ARID1B: variants seen among roughly 807,000 people sequenced by gnomAD.
ARID1B encodes the protein AT-rich interactive domain-containing protein 1B.
In ARID1B, 30 loss-of-function variants were observed where a neutral mutation model predicts 212.3. The observed-to-expected ratio is 0.14, with a 90% CI of 0.11 to 0.19. The LOEUF is 0.19. Ranked by LOEUF, ARID1B falls within the 10% of genes least tolerant of loss-of-function variation. The pLI is 1.00. For synonymous variants in ARID1B, 1,402 were observed against 1,301.7 expected (o/e 1.08, Z -1.66); for missense variants, 2,891 against 3,204.0 (o/e 0.90, Z 2.36).
rs115069568 is a variant in ARID1B at position 156,981,324 on chromosome 6, C to T, written c.2247+45748C>T. On this transcript the variant is annotated intron_variant, in intron 4 of 19. Transcript: ENST00000636930. ...AATGGAGAGTCTCTGCCGTTCTTCACATCGAGTATATAGAATTAAGCATTC... is the reference window on the plus strand; with the variant it reads ...AATGGAGAGTCTCTGCCGTTCTTCATATCGAGTATATAGAATTAAGCATTC... 9.0e-3 allele frequency among the ~76,000 whole-genome samples: 1,365 copies of T among 152,296 alleles called. 24 individuals are homozygous for T. Among genetic ancestry groups the T allele is most frequent in the African/African-American group, 0.031 (1,307 of 41,552 alleles).
At chr6:156,980,060 A>G (rs1037761719) in intron 4 of ARID1B, among the ~76,000 whole-genome samples, 1 of 152,136 alleles carries the variant, frequency 6.6e-6, no homozygotes, top group South Asian at 2.1e-4. Flanking sequence ...TTTGCCACCT[A>G]AGTTAAAAGA....
In ARID1B at chr6:157,067,975, A is replaced by G. The variant is rs576848279; in HGVS notation, c.2248-16687A>G. On this transcript the variant is annotated intron_variant, in intron 4 of 19. Coordinates refer to ENST00000636930, the MANE Select transcript of ARID1B (RefSeq NM_001374828.1). ...CTAAAACAATCGTAGGTACTTCAGA[A>G]CTCCTAACTTTATAAAATAAACTAT... 4.6e-5 allele frequency among the ~76,000 whole-genome samples: 7 copies of G among 152,216 alleles called. No individual in the cohort carries two copies. In the South Asian group the frequency reaches 1.5e-3, roughly 32 times the overall value.
chr6:156,835,735 A>G (rs140373735), intron 2 of ARID1B, among the ~76,000 whole-genome samples: 5 of 152,184 alleles, frequency 3.3e-5, no homozygotes, highest in Middle Eastern at 3.4e-3. Flanking sequence ...TAAATCTTAA[A>G]TGTATGTTTT....
intron 11 of ARID1B, among the ~76,000 whole-genome samples, chr6:157,179,003 T>C (rs1792316071): frequency 6.6e-6 from 1 of 152,218 alleles, no homozygotes; most frequent in Admixed American, 6.5e-5. Context: ...TTTATTTGTC[T>C]TATCTTTAAA....
At chr6:156,934,915 TATATATATATATATATATATATATA>T (rs1792048113) in intron 3 of ARID1B, among the ~76,000 whole-genome samples, 39 of 39,012 alleles carry the variant, frequency 1.0e-3, no homozygotes, top group African/African-American at 4.0e-3. Context: ...TTGTTAATTA[TATATATATATATATATATATATATA>T]TATATATATA....
chr6:157,195,220 C>T (rs1181705964), intron 15 of ARID1B: 1 of 152,138 alleles, frequency 6.6e-6, no homozygotes, highest in African/African-American at 2.4e-5. Context: ...GCTCAGGGTC[C>T]CACAGGCTAA....
chr6:157,142,625 C>T (rs1562297620), intron 7 of ARID1B, among the ~76,000 whole-genome samples: 1 of 151,754 alleles, frequency 6.6e-6, no homozygotes, highest in Non-Finnish European at 1.5e-5. Context: ...GACTCTGTCT[C>T]AAAAACAACA....
At chr6:157,071,818 T>C (rs1280367795) in intron 4 of ARID1B, 2 of 152,252 alleles carry the variant, frequency 1.3e-5, no homozygotes, top group Non-Finnish European at 2.9e-5. Flanking sequence ...AATTTATTTG[T>C]TCGTCTTTTG....
At chr6:157,166,054 T>G (rs1791301669) in intron 8 of ARID1B, 1 of 152,168 alleles carries the variant, frequency 6.6e-6, no homozygotes, top group Non-Finnish European at 1.5e-5. Context: ...GCCAAAACTT[T>G]GAAAAATTTT....
At chr6:156,912,189 A>G (rs1016438385) in intron 3 of ARID1B, among the ~76,000 whole-genome samples, 3 of 151,732 alleles carry the variant, frequency 2.0e-5, no homozygotes, top group Non-Finnish European at 4.4e-5. Context: ...CAATGTCTCT[A>G]TTGATCAAAA....
At chr6:156,827,806 C>T (rs1291733850) in intron 1 of ARID1B, among the ~76,000 whole-genome samples, 2 of 115,066 alleles carry the variant, frequency 1.7e-5, no homozygotes, top group African/African-American at 3.3e-5. Context: ...AGCTCTGTCT[C>T]TCAGGCTGGA....
intron 2 of ARID1B, among the ~76,000 whole-genome samples, chr6:156,838,590 A>G (rs1309085950): frequency 6.6e-6 from 1 of 152,118 alleles, no homozygotes; most frequent in Non-Finnish European, 1.5e-5. Flanking sequence ...GGGGAGGGAT[A>G]GCATTAGGAG....
intron 15 of ARID1B, chr6:157,195,118 G>C (rs1793627270): frequency 6.6e-6 from 1 of 152,192 alleles, no homozygotes; most frequent in Non-Finnish European, 1.5e-5. Context: ...TATATAACAA[G>C]TTACCACAAA....
chr6:156,998,083 C>A (rs923796440), intron 4 of ARID1B, among the ~76,000 whole-genome samples: 16 of 152,150 alleles, frequency 1.1e-4, no homozygotes, highest in African/African-American at 3.9e-4. Flanking sequence ...TGCGGGCTTG[C>A]AGTCCTTGCA....
At chr6:156,920,294 A>T (rs577389041) in intron 3 of ARID1B, among the ~76,000 whole-genome samples, 8 of 152,240 alleles carry the variant, frequency 5.3e-5, no homozygotes, top group Non-Finnish European at 1.0e-4. Context: ...GTGTGCAGTT[A>T]AAAGTATCAT....
intron 4 of ARID1B, among the ~76,000 whole-genome samples, chr6:156,948,401 TG>T (rs1299663361): frequency 2.7e-5 from 4 of 149,614 alleles, no homozygotes; most frequent in Non-Finnish European, 3.0e-5. Context: ...CTTATAGAGA[TG>T]GGGGGGCAGT....
At chr6:157,183,500 G>T (rs537297473) in intron 12 of ARID1B, among the ~76,000 whole-genome samples, 1 of 152,186 alleles carries the variant, frequency 6.6e-6, no homozygotes, top group East Asian at 1.9e-4. Context: ...GTGTTTAACC[G>T]TTTAACCTTT....
intron 2 of ARID1B, among the ~76,000 whole-genome samples, chr6:156,848,273 T>A (rs898952757): frequency 1.3e-5 from 2 of 152,242 alleles, no homozygotes; most frequent in Non-Finnish European, 2.9e-5. Flanking sequence ...TATCTGTATG[T>A]GTGGCCCAGT....
Position 157,208,715 on chromosome 6 carries a change from C to CT in ARID1B, c.*842dup, listed in dbSNP as rs878880822. 0.024 allele frequency: 3,641 copies of CT among 150,032 alleles called. 13 individuals are homozygous for CT. The highest frequency in any genetic ancestry group is 0.035 in the African/African-American group (1,004 of 28,460). The allele number at this position is 150,032 out of a possible 1,614,324, so 9.3% of individuals were successfully genotyped here. On this transcript the variant is annotated 3_prime_UTR_variant, in exon 20 of 20. Transcript: ENST00000636930. ...AAACATACCCTCATTTTTTTCTTTT[C>CT]TTTTTTTTTTTTTTTTTTAGTACAA...
Sources: allele counts gnomAD v4.1 joint callset (sites outside exome capture counted in the v4.1 genomes callset), GRCh38; gene constraint gnomAD v4.1.1; transcripts MANE v1.5; gene names NCBI Gene and HGNC (gene_info 2026-07-23, HGNC 2026-07-21).